Variants in CACNA2D3 observed in about 807,000 individuals in gnomAD.
CACNA2D3 encodes calcium voltage-gated channel auxiliary subunit alpha2delta 3.
In CACNA2D3, 60 loss-of-function variants were observed where a neutral mutation model predicts 160.6. The observed-to-expected ratio is 0.37, with a 90% CI of 0.30 to 0.46. The LOEUF is 0.46. Among genes scored for constraint, CACNA2D3 ranks in the 20% least tolerant of loss-of-function variants. The pLI, the probability that CACNA2D3 is intolerant of heterozygous loss-of-function variation, is 1.00. For synonymous variants in CACNA2D3, 558 were observed against 492.9 expected (o/e 1.13, Z -1.75); for missense variants, 1,205 against 1,365.0 (o/e 0.88, Z 1.85).
intron 9 of CACNA2D3, among the ~76,000 whole-genome samples, chr3:54,611,021 C>T (rs1261443850): frequency 2.0e-5 from 3 of 152,176 alleles, no homozygotes; most frequent in Admixed American, 2.0e-4. Flanking sequence ...GGACAGCATT[C>T]ATGTCCCAGT....
intron 2 of CACNA2D3, among the ~76,000 whole-genome samples, chr3:54,170,965 T>C (rs1700551014): frequency 6.6e-6 from 1 of 151,468 alleles, no homozygotes; most frequent in Non-Finnish European, 1.5e-5. Flanking sequence ...ACCTTATGTA[T>C]TGATAGAGAG....
chr3:54,238,362 C>T (rs1261263158), intron 2 of CACNA2D3, among the ~76,000 whole-genome samples: 1 of 152,094 alleles, frequency 6.6e-6, no homozygotes, highest in Non-Finnish European at 1.5e-5. Context: ...GTGGCTGAAC[C>T]CAGAGGTAGA....
chr3:54,571,655 G>A (rs981233499), intron 8 of CACNA2D3, among the ~76,000 whole-genome samples: 1 of 140,210 alleles, frequency 7.1e-6, no homozygotes, highest in Non-Finnish European at 1.5e-5. Flanking sequence ...GTGTGTGTGT[G>A]TGTGGTGGAC....
intron 8 of CACNA2D3, among the ~76,000 whole-genome samples, chr3:54,571,025 G>A (rs1228140140): frequency 6.6e-6 from 1 of 152,134 alleles, no homozygotes; most frequent in Non-Finnish European, 1.5e-5. Flanking sequence ...ATTTTAGGGA[G>A]ACATGAGACT....
chr3:54,621,732 A>T (rs6798055), intron 9 of CACNA2D3, among the ~76,000 whole-genome samples: 1 of 152,164 alleles, frequency 6.6e-6, no homozygotes, highest in Non-Finnish European at 1.5e-5. Context: ...GAAGTCAGCT[A>T]CGTGTCTCTA....
chr3:54,695,946 C>T (rs1171651524), intron 11 of CACNA2D3, among the ~76,000 whole-genome samples: 4 of 152,226 alleles, frequency 2.6e-5, no homozygotes, highest in East Asian at 1.9e-4. Context: ...TTGGCTTTTG[C>T]GTTGACTACT....
intron 2 of CACNA2D3, among the ~76,000 whole-genome samples, chr3:54,285,980 A>G (rs1338775051): frequency 1.3e-5 from 2 of 152,228 alleles, no homozygotes; most frequent in Non-Finnish European, 2.9e-5. Context: ...AGATGGGGAA[A>G]AAACAGAGCA....
intron 11 of CACNA2D3, among the ~76,000 whole-genome samples, chr3:54,724,926 C>A (rs1347735522): frequency 6.6e-6 from 1 of 152,076 alleles, no homozygotes; most frequent in Non-Finnish European, 1.5e-5. Flanking sequence ...CAGAGCAGAA[C>A]TGAAGGAGAT....
chr3:54,932,087 T>G (rs1701204206), intron 27 of CACNA2D3, among the ~76,000 whole-genome samples: 1 of 151,956 alleles, frequency 6.6e-6, no homozygotes, highest in African/African-American at 2.4e-5. Context: ...GAGGCTGAGG[T>G]AGGAGGATCA....
chr3:54,734,251 T>A (rs1559562799), intron 11 of CACNA2D3, among the ~76,000 whole-genome samples: 1 of 152,164 alleles, frequency 6.6e-6, no homozygotes. Context: ...AAGTCATTCT[T>A]CTCTTGTCAT....
intron 34 of CACNA2D3, among the ~76,000 whole-genome samples, chr3:55,011,781 T>A (rs1173624525): frequency 2.0e-5 from 3 of 152,204 alleles, no homozygotes; most frequent in African/African-American, 7.2e-5. Context: ...TTACCTGTAG[T>A]GTCAACTTGC....
At chr3:54,277,664 A>G (rs1030173371) in intron 2 of CACNA2D3, among the ~76,000 whole-genome samples, 1 of 152,196 alleles carries the variant, frequency 6.6e-6, no homozygotes, top group Non-Finnish European at 1.5e-5. Flanking sequence ...AATTCTGTGA[A>G]GAAAGTCAGT....
intron 31 of CACNA2D3, among the ~76,000 whole-genome samples, chr3:55,001,615 A>G (rs1362119104): frequency 1.3e-5 from 2 of 152,250 alleles, no homozygotes; most frequent in Non-Finnish European, 2.9e-5. Flanking sequence ...ACTGACTTCA[A>G]AGATGGCATT....
intron 2 of CACNA2D3, among the ~76,000 whole-genome samples, chr3:54,160,827 A>G (rs373468149): frequency 2.0e-5 from 3 of 152,190 alleles, no homozygotes; most frequent in East Asian, 1.9e-4. Context: ...TTTTCTGTGT[A>G]TTTTATGAGT....
chr3:54,804,674 T>C (rs1703074663), intron 13 of CACNA2D3, among the ~76,000 whole-genome samples: 1 of 152,164 alleles, frequency 6.6e-6, no homozygotes, highest in Non-Finnish European at 1.5e-5. Context: ...AACTCAGGAA[T>C]TGAACTCAGC....
At chr3:55,014,651 G>C (rs1312480407) in intron 34 of CACNA2D3, among the ~76,000 whole-genome samples, 1 of 152,168 alleles carries the variant, frequency 6.6e-6, no homozygotes, top group African/African-American at 2.4e-5. Flanking sequence ...AGAATCGTTT[G>C]AACCCAGGAG....
At position 54,848,821 on chromosome 3, in the gene CACNA2D3, C is replaced by G. The variant is rs148697423; in HGVS notation, c.1626+2354C>G. On this transcript the variant is annotated intron_variant, in intron 17 of 37. Coordinates refer to ENST00000474759, the MANE Select transcript of CACNA2D3 (RefSeq NM_018398.3). ...CTGAGCTGCACTTTTCTCTTGCAAT[C>G]CTGCCATAACCATAGTGCATAGATC... Among the ~76,000 whole-genome samples the G allele has an allele frequency of 1.2e-4, 18 of 152,308 alleles. 1 individual carries two copies. In the East Asian group the frequency reaches 3.1e-3, roughly 26 times the overall value.
intron 27 of CACNA2D3, among the ~76,000 whole-genome samples, chr3:54,962,472 C>T (rs1702052801): frequency 6.6e-6 from 1 of 152,162 alleles, no homozygotes; most frequent in Non-Finnish European, 1.5e-5. Context: ...AGGAGCAAGT[C>T]ATAACATGAA....
At chr3:54,386,566 GATT>G in intron 3 of CACNA2D3, 146 bp from the exon 4 acceptor site, 1 of 634,180 alleles carries the variant, frequency 1.6e-6, no homozygotes, top group Non-Finnish European at 2.7e-6. Flanking sequence ...ACACTGATGT[GATT>G]ATTTTCAGTT....
Sources: allele counts gnomAD v4.1 joint callset (sites outside exome capture counted in the v4.1 genomes callset), GRCh38; gene constraint gnomAD v4.1.1; transcripts MANE v1.5; gene names NCBI Gene and HGNC (gene_info 2026-07-23, HGNC 2026-07-21).